DLGAP1: variants seen among roughly 807,000 people sequenced by gnomAD.
The protein encoded by DLGAP1 is DLG associated protein 1, also known as disks large-associated protein 1.
Under a neutral mutation model 90.8 loss-of-function variants are expected in DLGAP1, and 11 were observed. That is an observed-to-expected ratio of 0.12 (90% confidence interval 0.08 to 0.20). The LOEUF (loss-of-function observed/expected upper bound fraction) is 0.20. DLGAP1 is among the 10% of genes least tolerant of loss of function. The pLI, the probability that DLGAP1 is intolerant of heterozygous loss-of-function variation, is 1.00. For synonymous variants in DLGAP1, 558 were observed against 540.7 expected (o/e 1.03, Z -0.44); for missense variants, 1,050 against 1,333.8 (o/e 0.79, Z 3.31).
intron 11 of DLGAP1, 130 bp from the exon 12 acceptor site, chr18:3,502,775 T>C: frequency 1.0e-6 from 1 of 967,490 alleles, no homozygotes; most frequent in Non-Finnish European, 1.5e-6. Flanking sequence ...CGACACGAGG[T>C]AAAAGTGAGG....
intron 10 of DLGAP1, among the ~76,000 whole-genome samples, chr18:3,533,355 T>C (rs2052137149): frequency 6.6e-6 from 1 of 152,236 alleles, no homozygotes; most frequent in African/African-American, 2.4e-5. Context: ...AATAAGATTA[T>C]AAAATGTGTT....
rs1568278344 is a variant in DLGAP1 at position 3,600,811 on chromosome 18, T to TATATAGATATATATAGATATATATAG, written c.1592-18564_1592-18563insCTATATATATCTATATATATCTATAT. Among the ~76,000 whole-genome samples, 19 of 93,250 alleles carry TATATAGATATATATAGATATATATAG rather than the reference T, an allele frequency of 2.0e-4. 1 individual carries two copies. The highest frequency in any genetic ancestry group is 1.1e-3 in the African/African-American group (18 of 16,626). The allele number at this position is 93,250 out of a possible 152,430, so 61.2% of individuals were successfully genotyped here. Reference sequence around the variant, plus strand: ...ATATATAGATATATAGATATATAGATATATATAGATATATAGATATATATA... The same window carrying TATATAGATATATATAGATATATATAG: ...ATATATAGATATATAGATATATAGATATATAGATATATATAGATATATATAGATATATAGATATATAGATATATATA... On this transcript the variant is annotated intron_variant, in intron 7 of 12. Coordinates refer to ENST00000315677, the MANE Select transcript of DLGAP1 (RefSeq NM_004746.4).
At chr18:4,439,642 C>T (rs893701469) in intron 1 of DLGAP1, among the ~76,000 whole-genome samples, 5 of 151,614 alleles carry the variant, frequency 3.3e-5, no homozygotes, top group South Asian at 4.2e-4. Flanking sequence ...CTTGTCTCCA[C>T]AAAAAAATAA....
chr18:3,858,501 TAC>T (rs1190917216), intron 4 of DLGAP1, among the ~76,000 whole-genome samples: 6 of 149,198 alleles, frequency 4.0e-5, no homozygotes, highest in Admixed American at 2.7e-4. Flanking sequence ...CGTGTATATA[TAC>T]ATATATATAC....
At chr18:4,182,758 G>A (rs9959484) in intron 1 of DLGAP1, among the ~76,000 whole-genome samples, 69,249 of 152,032 alleles carry the variant, frequency 0.46, 17,597 homozygotes, top group East Asian at 0.7. Context: ...ATTAAATGTT[G>A]CCACCACACT....
chr18:3,784,768 T>G (rs1312130589), intron 5 of DLGAP1, among the ~76,000 whole-genome samples: 3 of 152,202 alleles, frequency 2.0e-5, no homozygotes, highest in Non-Finnish European at 4.4e-5. Flanking sequence ...TTAAAAACTG[T>G]ATTGAGAAAA....
intron 3 of DLGAP1, among the ~76,000 whole-genome samples, chr18:3,912,038 A>G (rs2072046801): frequency 1.3e-5 from 2 of 152,210 alleles, no homozygotes; most frequent in South Asian, 4.1e-4. Context: ...TCAGGCTGAT[A>G]TGTGCTGAAG....
intron 4 of DLGAP1, among the ~76,000 whole-genome samples, chr18:3,842,709 G>A (rs1310973044): frequency 1.3e-5 from 2 of 151,952 alleles, no homozygotes; most frequent in African/African-American, 4.8e-5. Context: ...TTAAAAAAAA[G>A]CATAGATAGT....
At chr18:4,425,799 C>G (rs1019979135) in intron 1 of DLGAP1, among the ~76,000 whole-genome samples, 1 of 152,096 alleles carries the variant, frequency 6.6e-6, no homozygotes, top group Non-Finnish European at 1.5e-5. Flanking sequence ...CTTCTCTCCC[C>G]CTGCAACTCC....
intron 3 of DLGAP1, among the ~76,000 whole-genome samples, chr18:3,884,491 C>T (rs916774928): frequency 2.0e-5 from 3 of 152,148 alleles, no homozygotes; most frequent in African/African-American, 7.2e-5. Context: ...ATGAATTATA[C>T]ATGTTTACTC....
At chr18:3,761,746 T>C (rs1247929666) in intron 5 of DLGAP1, among the ~76,000 whole-genome samples, 2 of 152,134 alleles carry the variant, frequency 1.3e-5, no homozygotes, top group South Asian at 2.1e-4. Context: ...GGGCTAATTT[T>C]TGTATTTTTA....
intron 1 of DLGAP1, among the ~76,000 whole-genome samples, chr18:4,242,722 T>G (rs973961748): frequency 6.6e-6 from 1 of 152,026 alleles, no homozygotes; most frequent in African/African-American, 2.4e-5. Context: ...GTAGCATACC[T>G]GTGAGGGCTA....
At chr18:3,814,821 A>C (rs996690510) in intron 4 of DLGAP1, among the ~76,000 whole-genome samples, 1 of 152,210 alleles carries the variant, frequency 6.6e-6, no homozygotes, top group Non-Finnish European at 1.5e-5. Flanking sequence ...AGTTATTTAA[A>C]AATGTATAAA....
intron 9 of DLGAP1, among the ~76,000 whole-genome samples, chr18:3,560,014 G>A (rs374504378): frequency 8.6e-5 from 13 of 152,020 alleles, no homozygotes; most frequent in East Asian, 5.8e-4. Context: ...CTTGTTCCTT[G>A]TATCATTGCT....
chr18:3,804,415 C>T (rs2066472474), intron 5 of DLGAP1, among the ~76,000 whole-genome samples: 1 of 152,210 alleles, frequency 6.6e-6, no homozygotes, highest in South Asian at 2.1e-4. Flanking sequence ...TGGGATTCCC[C>T]AGATGAACTG....
Position 3,803,957 on chromosome 18 carries a change from C to CATATATATAT in DLGAP1, c.1172+10092_1172+10101dup, listed in dbSNP as rs33952757. On this transcript the variant is annotated intron_variant, in intron 5 of 12. Transcript: ENST00000315677. Reference sequence around the variant, plus strand: ...TTCTCTTCATTGGTTTATGTAGGTTCATATATATATATATATATATATATA... The same window carrying CATATATATAT: ...TTCTCTTCATTGGTTTATGTAGGTTCATATATATATATATATATATATATATATATATATA... Among the ~76,000 whole-genome samples the CATATATATAT allele has an allele frequency of 2.5e-3, 209 of 83,930 alleles. 5 individuals are homozygous for CATATATATAT. The highest frequency in any genetic ancestry group is 3.5e-3 in the Non-Finnish European group (142 of 40,586). The allele number at this position is 83,930 out of a possible 152,430, so 55.1% of individuals were successfully genotyped here.
chr18:3,951,724 C>T (rs1332035912), intron 3 of DLGAP1, among the ~76,000 whole-genome samples: 1 of 152,142 alleles, frequency 6.6e-6, no homozygotes, highest in African/African-American at 2.4e-5. Flanking sequence ...ATGCTGTTCT[C>T]CATGATAGTG....
intron 7 of DLGAP1, among the ~76,000 whole-genome samples, chr18:3,622,511 A>T (rs1044061449): frequency 6.6e-6 from 1 of 152,118 alleles, no homozygotes; most frequent in Non-Finnish European, 1.5e-5. Context: ...GGGAGGAGGG[A>T]GAGTCCAGAA....
intron 10 of DLGAP1, among the ~76,000 whole-genome samples, chr18:3,522,885 G>A (rs114820951): frequency 0.035 from 5,313 of 152,150 alleles, 271 homozygotes; most frequent in African/African-American, 0.11. Flanking sequence ...AGGATACAAT[G>A]GGAAAAGGAT....
Sources: gnomAD v4.1 joint callset for allele counts (sites outside exome capture counted in the v4.1 genomes callset) on GRCh38, gnomAD v4.1.1 for gene constraint, MANE v1.5 for transcripts, NCBI Gene and HGNC (gene_info 2026-07-23, HGNC 2026-07-21) for gene names.